STMN2: variants seen among roughly 807,000 people sequenced by gnomAD.
STMN2 encodes stathmin 2, also known as stathmin-2.
A neutral mutation model predicts 24.1 loss-of-function variants in STMN2; 2 were observed. The ratio of observed to expected loss-of-function variants is 0.08; its 90% CI spans 0.03 to 0.26. The LOEUF is 0.26. STMN2 is among the 10% of genes least tolerant of loss of function. STMN2 has a pLI of 1.00. For missense variants in STMN2, 114 were observed against 213.6 expected (o/e 0.53, Z 2.91); for synonymous variants, 83 against 77.5 (o/e 1.07, Z -0.37).
Position 79,611,306 on chromosome 8 carries a change from A to G in STMN2, c.19+92A>G. The G allele has an allele frequency of 4.5e-6, 7 of 1,541,718 alleles. No homozygotes were observed. The East Asian group carries it at 9.1e-5, about 20-fold the overall frequency. ...CTCTAGAAGCATTCAGAGATATTTTATAAAGAAAAAGATGTTAATGGTAAC... is the reference window on the plus strand; with the variant it reads ...CTCTAGAAGCATTCAGAGATATTTTGTAAAGAAAAAGATGTTAATGGTAAC... On this transcript the variant is annotated intron_variant, in intron 1 of 4. Coordinates refer to ENST00000220876, the MANE Select transcript of STMN2 (RefSeq NM_007029.4).
intron 1 of STMN2, among the ~76,000 whole-genome samples, chr8:79,635,562 A>G (rs1411272115): frequency 6.6e-6 from 1 of 152,238 alleles, no homozygotes; most frequent in Non-Finnish European, 1.5e-5. Context: ...AAAGCATGCA[A>G]TACAACATGG....
chr8:79,644,193 A>G (rs915083188), intron 3 of STMN2, among the ~76,000 whole-genome samples: 2 of 152,240 alleles, frequency 1.3e-5, no homozygotes. Flanking sequence ...CAACTCAACT[A>G]GTTAAAACAA....
At chr8:79,626,753 A>G (rs1017513504) in intron 1 of STMN2, among the ~76,000 whole-genome samples, 1 of 152,192 alleles carries the variant, frequency 6.6e-6, no homozygotes, top group Non-Finnish European at 1.5e-5. Context: ...ACTCCTATGT[A>G]TGAGGGAAAA....
At chr8:79,627,698 T>C (rs1034242787) in intron 1 of STMN2, among the ~76,000 whole-genome samples, 2 of 151,544 alleles carry the variant, frequency 1.3e-5, no homozygotes, top group African/African-American at 4.9e-5. Context: ...GCCTATCATA[T>C]ATATACTTAT....
At chr8:79,613,980 G>T (rs1336515337) in intron 1 of STMN2, among the ~76,000 whole-genome samples, 1 of 150,672 alleles carries the variant, frequency 6.6e-6, no homozygotes. Context: ...TCAACATAAG[G>T]TTATATCTAT....
intron 2 of STMN2, among the ~76,000 whole-genome samples, chr8:79,637,794 A>G (rs1233089481): frequency 6.6e-6 from 1 of 152,176 alleles, no homozygotes; most frequent in African/African-American, 2.4e-5. Flanking sequence ...GCTCACAAAT[A>G]TTTTTCTTTT....
intron 1 of STMN2, chr8:79,613,586 GTCA>G: frequency 1.0e-6 from 1 of 985,458 alleles, no homozygotes. Context: ...CAAACTCATC[GTCA>G]TCATCAGTAT....
At chr8:79,620,949 G>A in intron 1 of STMN2, 1 of 985,218 alleles carries the variant, frequency 1.0e-6, no homozygotes, top group Non-Finnish European at 1.2e-6. Context: ...ACTTGGAGTA[G>A]ACCTAAAACA....
intron 1 of STMN2, among the ~76,000 whole-genome samples, chr8:79,620,491 A>G (rs994614914): frequency 4.6e-5 from 7 of 152,122 alleles, no homozygotes; most frequent in African/African-American, 1.7e-4. Flanking sequence ...TATGAGAACA[A>G]AAATAAAAAT....
At position 79,631,320 on chromosome 8, in the gene STMN2, C is replaced by T. The variant is rs534390988; in HGVS notation, c.20-5482C>T. On this transcript the variant is annotated intron_variant, in intron 1 of 4. Coordinates refer to ENST00000220876, the MANE Select transcript of STMN2 (RefSeq NM_007029.4). ...TACTGCTTTGACCTTCTTAAATGTC[C>T]CTTTATTTCATTTGATATCCATTCC... 4 of 482,320 alleles carry T rather than the reference C, an allele frequency of 8.3e-6. No homozygotes were observed. The South Asian group carries it at 3.6e-4, about 43-fold the overall frequency. The allele number at this position is 482,320 out of a possible 1,614,324, so 29.9% of individuals were successfully genotyped here.
chr8:79,643,149 G>GTGTGTATATATATA (rs764308760), intron 3 of STMN2, among the ~76,000 whole-genome samples: 11 of 140,106 alleles, frequency 7.9e-5, no homozygotes, highest in African/African-American at 2.9e-4. Context: ...ATGTGTGTGT[G>GTGTGTATATATATA]TATATATATA....
intron 1 of STMN2, among the ~76,000 whole-genome samples, chr8:79,634,124 T>G (rs546880525): frequency 1.3e-5 from 2 of 152,280 alleles, no homozygotes; most frequent in South Asian, 4.1e-4. Flanking sequence ...TTGCAAAATG[T>G]TTTGCATACC....
At chr8:79,641,619 C>T (rs1045985032) in intron 3 of STMN2, 69 bp downstream of exon 3, 2 of 1,014,404 alleles carry the variant, frequency 2.0e-6, no homozygotes, top group East Asian at 2.6e-5. Context: ...CACTCGGGCA[C>T]ACATGCACGC....
At chr8:79,654,510 C>T (rs566384729) in intron 3 of STMN2, among the ~76,000 whole-genome samples, 40 of 152,268 alleles carry the variant, frequency 2.6e-4, no homozygotes, top group African/African-American at 9.4e-4. Context: ...CAACTGTTTT[C>T]CTCAGGCTTT....
chr8:79,630,637 T>C (rs977775450), intron 1 of STMN2, among the ~76,000 whole-genome samples: 1 of 152,164 alleles, frequency 6.6e-6, no homozygotes, highest in Non-Finnish European at 1.5e-5. Flanking sequence ...TAGGGAGGAA[T>C]TGAAATCACT....
chr8:79,629,084 C>G (rs1809735318), intron 1 of STMN2, among the ~76,000 whole-genome samples: 1 of 152,104 alleles, frequency 6.6e-6, no homozygotes, highest in African/African-American at 2.4e-5. Context: ...TTCTTTCACC[C>G]TATTTAGCTG....
intron 3 of STMN2, 67 bp from the exon 4 acceptor site, chr8:79,654,804 G>A: frequency 2.0e-6 from 3 of 1,524,786 alleles, no homozygotes; most frequent in Non-Finnish European, 1.8e-6. Context: ...CCCTCCAATT[G>A]GTGGGCCGTT....
chr8:79,639,987 G>A (rs1001897708), intron 2 of STMN2, among the ~76,000 whole-genome samples: 2 of 152,204 alleles, frequency 1.3e-5, no homozygotes, highest in African/African-American at 4.8e-5. Flanking sequence ...AGATCACGAG[G>A]TCAGGAGTTC....
chr8:79,642,589 A>G lies in STMN2; in HGVS notation c.288+1039A>G, dbSNP rs558815662. Among the ~76,000 whole-genome samples the G allele has an allele frequency of 4.6e-5, 7 of 152,334 alleles. No homozygotes were observed. The East Asian group carries it at 1.2e-3, about 25-fold the overall frequency. On this transcript the variant is annotated intron_variant, in intron 3 of 4. Transcript: ENST00000220876. ...TTCTATGTTGGATAATTAAAAACAG[A>G]ATGAAGATAATCCTCCTCCTAAAGA...
Sources: allele counts gnomAD v4.1 joint callset (sites outside exome capture counted in the v4.1 genomes callset), GRCh38; gene constraint gnomAD v4.1.1; transcripts MANE v1.5; gene names NCBI Gene and HGNC (gene_info 2026-07-23, HGNC 2026-07-21).